Variants in PIERCE2 observed in about 807,000 individuals in gnomAD.
PIERCE2 encodes piercer of microtubule wall 2 protein.
the PIERCE2 span, among the ~76,000 whole-genome samples, chr15:55,413,184 C>T: frequency 2.6e-5 from 4 of 151,384 alleles, no homozygotes; most frequent in Admixed American, 6.6e-5. Flanking sequence ...AGGAGAATGG[C>T]GTAAACCCAG....
chr15:55,418,457 C>G, the PIERCE2 span: 16 of 1,520,450 alleles, frequency 1.1e-5, no homozygotes, highest in Non-Finnish European at 1.3e-5. Flanking sequence ...TCCAAAGGAG[C>G]AAGTATTTTC....
the PIERCE2 span, among the ~76,000 whole-genome samples, chr15:55,412,741 G>C: frequency 6.6e-6 from 1 of 152,120 alleles, no homozygotes. Context: ...AACAGCCAGT[G>C]CACTCCAGCC....
At chr15:55,408,616 T>G in the PIERCE2 span, 1 of 575,332 alleles carries the variant, frequency 1.7e-6, no homozygotes, top group Non-Finnish European at 3.1e-6. Flanking sequence ...ACGGATAGGT[T>G]TACACATACT....
At chr15:55,415,859 G>A in the PIERCE2 span, among the ~76,000 whole-genome samples, 1 of 152,088 alleles carries the variant, frequency 6.6e-6, no homozygotes, top group African/African-American at 2.4e-5. Flanking sequence ...GCAGAAATTG[G>A]GCATAAGACA....
the PIERCE2 span, among the ~76,000 whole-genome samples, chr15:55,409,813 A>C: frequency 6.6e-6 from 1 of 152,238 alleles, no homozygotes; most frequent in Non-Finnish European, 1.5e-5. Flanking sequence ...TAAGAAAGCT[A>C]ATACCAGCTA....
chr15:55,409,649 C>A, the PIERCE2 span, among the ~76,000 whole-genome samples: 2 of 152,082 alleles, frequency 1.3e-5, no homozygotes, highest in Non-Finnish European at 2.9e-5. Flanking sequence ...ACAGTGACAT[C>A]AAAAAATCTT....
chr15:55,418,487 G>A, the PIERCE2 span: 2 of 1,528,666 alleles, frequency 1.3e-6, no homozygotes, highest in South Asian at 2.4e-5. Context: ...CAGAGCAACT[G>A]GATTTTATCA....
chr15:55,408,705 G>C, the PIERCE2 span: 23 of 1,208,836 alleles, frequency 1.9e-5, no homozygotes, highest in East Asian at 5.3e-4. Flanking sequence ...GCGTTCACCG[G>C]CTTTCTTGCC....
At chr15:55,414,630 T>G in the PIERCE2 span, among the ~76,000 whole-genome samples, 149,345 of 152,270 alleles carry the variant, frequency 0.98, 73,299 homozygotes, top group Non-Finnish European at 1. Flanking sequence ...TGTAATCCCA[T>G]CATTTTTGGA....
the PIERCE2 span, chr15:55,408,692 T>C: frequency 1.1e-6 from 1 of 932,138 alleles, no homozygotes; most frequent in African/African-American, 1.6e-5. Context: ...GCCACGTCCC[T>C]AGGCGTTCAC....
At chr15:55,417,562 A>T in the PIERCE2 span, 3 of 152,254 alleles carry the variant, frequency 2.0e-5, no homozygotes, top group African/African-American at 7.2e-5. Flanking sequence ...ATCAAGCTGT[A>T]CTTCCTCTTC....
At chr15:55,417,883 C>G in the PIERCE2 span, 2 of 391,850 alleles carry the variant, frequency 5.1e-6, no homozygotes, top group South Asian at 1.2e-4. Context: ...AAATTACAGT[C>G]AAAGGGGGTT....
chr15:55,410,133 T>A, the PIERCE2 span, among the ~76,000 whole-genome samples: 1 of 152,158 alleles, frequency 6.6e-6, no homozygotes, highest in African/African-American at 2.4e-5. Context: ...TGTTTCTGAA[T>A]CTATAAACAT....
At chr15:55,414,055 G>A in the PIERCE2 span, among the ~76,000 whole-genome samples, 6 of 151,460 alleles carry the variant, frequency 4.0e-5, no homozygotes, top group African/African-American at 9.7e-5. Context: ...CCGCCACCAC[G>A]CCCGGCTAAT....
chr15:55,417,911 G>A, the PIERCE2 span: 1 of 471,606 alleles, frequency 2.1e-6, no homozygotes. Flanking sequence ...GGCGGGCAGG[G>A]GCAGGGGTCA....
chr15:55,417,982 C>T, the PIERCE2 span: 1 of 687,244 alleles, frequency 1.5e-6, no homozygotes, highest in Non-Finnish European at 2.4e-6. Flanking sequence ...GTAATGTCAT[C>T]AGTTAAGGCA....
the PIERCE2 span, chr15:55,411,170 A>G: frequency 6.6e-6 from 1 of 152,190 alleles, no homozygotes; most frequent in Non-Finnish European, 1.5e-5. Context: ...AAAAAAGAAA[A>G]TAATAAAATT....
the PIERCE2 span, among the ~76,000 whole-genome samples, chr15:55,409,249 C>T: frequency 6.6e-6 from 1 of 151,912 alleles, no homozygotes; most frequent in African/African-American, 2.4e-5. Flanking sequence ...CTACTAAATA[C>T]AAAAAATTAG....
At chr15:55,408,922 T>C in the PIERCE2 span, 1 of 594,730 alleles carries the variant, frequency 1.7e-6, no homozygotes, top group South Asian at 2.2e-5. Context: ...AGCTTTTACA[T>C]TTACACTTGT....
Sources: gnomAD v4.1 joint callset for allele counts (sites outside exome capture counted in the v4.1 genomes callset) on GRCh38, gnomAD v4.1.1 for gene constraint, MANE v1.5 for transcripts, NCBI Gene and HGNC (gene_info 2026-07-23, HGNC 2026-07-21) for gene names.